Variants in WWC2 observed in about 807,000 individuals in gnomAD.
The protein encoded by WWC2 is WW and C2 domain containing 2.
In WWC2, 101 loss-of-function variants were observed where a neutral mutation model predicts 138.5. That is an observed-to-expected ratio of 0.73 (90% CI 0.62 to 0.86). WWC2 has a LOEUF of 0.86. Ranked by LOEUF, WWC2 falls within the 40% of genes least tolerant of loss-of-function variation. The pLI is 0.00. For synonymous variants in WWC2, 558 were observed against 538.4 expected (o/e 1.04, Z -0.50); for missense variants, 1,420 against 1,419.4 (o/e 1.00, Z -0.01).
intron 21 of WWC2, among the ~76,000 whole-genome samples, chr4:183,310,469 C>T (rs893349016): frequency 7.9e-5 from 12 of 152,096 alleles, no homozygotes; most frequent in South Asian, 2.1e-4. Flanking sequence ...CTGTTCTTTG[C>T]TGTTGTTTTT....
chr4:183,301,846 G>GGT (rs913908108), intron 21 of WWC2, among the ~76,000 whole-genome samples: 4 of 152,092 alleles, frequency 2.6e-5, no homozygotes, highest in Non-Finnish European at 4.4e-5. Flanking sequence ...TTGACAAATT[G>GGT]GTGTATGTCC....
At chr4:183,134,954 G>GAC (rs147393782) in intron 1 of WWC2, among the ~76,000 whole-genome samples, 10,902 of 150,600 alleles carry the variant, frequency 0.072, 714 homozygotes, top group African/African-American at 0.17. Context: ...TTAAATTCGA[G>GAC]AGAGTCTTGC....
intron 19 of WWC2, among the ~76,000 whole-genome samples, chr4:183,285,426 C>T (rs2111066379): frequency 6.6e-6 from 1 of 152,168 alleles, no homozygotes; most frequent in South Asian, 2.1e-4. Context: ...ATATAAGTAC[C>T]TTAAACATAT....
At chr4:183,218,883 C>CT (rs1488635253) in intron 4 of WWC2, among the ~76,000 whole-genome samples, 1 of 152,176 alleles carries the variant, frequency 6.6e-6, no homozygotes, top group Non-Finnish European at 1.5e-5. Context: ...AAAAATTAAT[C>CT]TTATCCAAAA....
At position 183,165,140 on chromosome 4, in the gene WWC2, T is replaced by C. The variant is rs149768622; in HGVS notation, c.132-28459T>C. Among the ~76,000 whole-genome samples, 366 of 152,162 alleles carry C rather than the reference T, an allele frequency of 2.4e-3. 3 individuals carry two copies. The highest frequency in any genetic ancestry group is 0.023 in the East Asian group (120 of 5,168). On this transcript the variant is annotated intron_variant, in intron 1 of 22. Coordinates refer to ENST00000403733, the MANE Select transcript of WWC2 (RefSeq NM_024949.6). Reference sequence around the variant, plus strand: ...ATGCCCATGGGAATTCAAATCATGGTTGGGCAAAGTTGGTTTGAGGGTAGG... The same window carrying C: ...ATGCCCATGGGAATTCAAATCATGGCTGGGCAAAGTTGGTTTGAGGGTAGG...
chr4:183,294,879 G>C (rs10023353), intron 21 of WWC2, among the ~76,000 whole-genome samples: 102,839 of 151,902 alleles, frequency 0.68, 35,442 homozygotes, highest in Non-Finnish European at 0.75. Context: ...CTAAAGAAAT[G>C]TTTGGATTTG....
chr4:183,200,335 TGAGA>T (rs1454566635), intron 2 of WWC2, among the ~76,000 whole-genome samples: 1 of 152,198 alleles, frequency 6.6e-6, no homozygotes, highest in African/African-American at 2.4e-5. Context: ...CTCAAAAGAT[TGAGA>T]GAGAACTGAG....
At chr4:183,273,256 C>T (rs745807969) in intron 16 of WWC2, among the ~76,000 whole-genome samples, 1 of 150,782 alleles carries the variant, frequency 6.6e-6, no homozygotes, top group Non-Finnish European at 1.5e-5. Flanking sequence ...TGTCTTTTCA[C>T]ATTCTTTGTC....
intron 1 of WWC2, among the ~76,000 whole-genome samples, chr4:183,130,856 A>G (rs761040621): frequency 6.6e-6 from 1 of 152,182 alleles, no homozygotes; most frequent in Non-Finnish European, 1.5e-5. Context: ...TACCTCCTGA[A>G]AAAAGACTCA....
At chr4:183,267,055 G>A (rs796145877) in intron 14 of WWC2, among the ~76,000 whole-genome samples, 8 of 151,656 alleles carry the variant, frequency 5.3e-5, no homozygotes, top group African/African-American at 1.7e-4. Flanking sequence ...TTAAGAGATG[G>A]GGTCTCACTG....
At chr4:183,300,932 T>C (rs1580165261) in intron 21 of WWC2, among the ~76,000 whole-genome samples, 1 of 152,278 alleles carries the variant, frequency 6.6e-6, no homozygotes, top group East Asian at 1.9e-4. Context: ...CGGAACAGGA[T>C]CCTGCGAGCC....
chr4:183,117,924 C>G (rs775391572), intron 1 of WWC2, among the ~76,000 whole-genome samples: 2 of 152,176 alleles, frequency 1.3e-5, no homozygotes, highest in Non-Finnish European at 2.9e-5. Flanking sequence ...CCTCTGCCCC[C>G]CAAGTAGCTG....
At chr4:183,306,231 A>G (rs1470925008) in intron 21 of WWC2, among the ~76,000 whole-genome samples, 1 of 152,226 alleles carries the variant, frequency 6.6e-6, no homozygotes, top group East Asian at 1.9e-4. Flanking sequence ...AACAAACAAC[A>G]AGGGCAGCAA....
intron 18 of WWC2, among the ~76,000 whole-genome samples, 165 bp downstream of exon 18, chr4:183,283,071 A>G (rs1291328762): frequency 1.3e-5 from 2 of 152,220 alleles, no homozygotes; most frequent in African/African-American, 4.8e-5. Context: ...AGCATCATAA[A>G]TGCTTTAACG....
At chr4:183,210,787 A>G (rs886552964) in intron 4 of WWC2, among the ~76,000 whole-genome samples, 5 of 152,218 alleles carry the variant, frequency 3.3e-5, no homozygotes, top group African/African-American at 9.7e-5. Context: ...CTGGAAGTAC[A>G]TATTGTAAGT....
chr4:183,270,802 A>G (rs1368423055), intron 15 of WWC2, among the ~76,000 whole-genome samples: 1 of 152,156 alleles, frequency 6.6e-6, no homozygotes, highest in African/African-American at 2.4e-5. Flanking sequence ...CATAAAAGGC[A>G]TGCTTAGTCA....
chr4:183,262,170 T>G (rs1456204735), intron 11 of WWC2, among the ~76,000 whole-genome samples: 2 of 151,794 alleles, frequency 1.3e-5, no homozygotes, highest in African/African-American at 4.8e-5. Flanking sequence ...ATATCATTTT[T>G]TTGTTTGTTT....
chr4:183,208,139 C>G lies in WWC2; in HGVS notation c.428C>G (p.Ser143Ter). ...VRLNDAYKEK[S>*]SSHTSLFSGS... ...TTAAATGATGCCTATAAGGAAAAGT[C>G]AAGTTCTCACACAAGCTGTAAGTAC... The change falls in exon 3 of 23, where the codon TCA becomes TGA. Residue 143 changes from serine to a stop codon, truncating the protein, a stop_gained. Coordinates refer to ENST00000403733, the MANE Select transcript of WWC2 (RefSeq NM_024949.6). LOFTEE classifies it high-confidence loss of function. 1 of 1,613,588 alleles carries G rather than the reference C, an allele frequency of 6.2e-7. No individual in the cohort carries two copies. The highest frequency in any genetic ancestry group is 8.5e-7 in the Non-Finnish European group (1 of 1,179,664).
intron 16 of WWC2, among the ~76,000 whole-genome samples, chr4:183,274,873 G>A (rs188541335): frequency 1.0e-3 from 157 of 152,060 alleles, no homozygotes; most frequent in African/African-American, 3.3e-3. Context: ...ATCAAATCAG[G>A]GTAAATTAAC....
Sources: gnomAD v4.1 joint callset for allele counts (sites outside exome capture counted in the v4.1 genomes callset) on GRCh38, gnomAD v4.1.1 for gene constraint, MANE v1.5 for transcripts, NCBI Gene and HGNC (gene_info 2026-07-23, HGNC 2026-07-21) for gene names.